The following CYP7A1 variants were observed in gnomAD, a reference collection of about 807,000 sequenced individuals.
CYP7A1 encodes cytochrome P450 family 7 subfamily A member 1.
Under a neutral mutation model 43.8 loss-of-function variants are expected in CYP7A1, and 28 were observed. The observed-to-expected ratio is 0.64, with a 90% CI of 0.47 to 0.88. The LOEUF is 0.88. CYP7A1 is among the 40% of genes least tolerant of loss of function. CYP7A1 has a pLI of 0.00. For synonymous variants in CYP7A1, 227 were observed against 222.5 expected (o/e 1.02, Z -0.18); for missense variants, 637 against 611.9 (o/e 1.04, Z -0.43).
intron 2 of CYP7A1, 140 bp downstream of exon 2, chr8:58,498,089 G>T: frequency 1.1e-6 from 1 of 920,106 alleles, no homozygotes; most frequent in Non-Finnish European, 1.6e-6. Context: ...ATTTATTTAT[G>T]TTTCTAAGAA....
intron 3 of CYP7A1, among the ~76,000 whole-genome samples, chr8:58,494,853 C>T (rs190775415): frequency 1.3e-4 from 20 of 152,156 alleles, no homozygotes; most frequent in South Asian, 2.1e-4. Flanking sequence ...AATGACCTTG[C>T]GGCCGGCCGT....
intron 4 of CYP7A1, 33 bp from the exon 5 acceptor site, chr8:58,492,561 T>A: frequency 2.6e-6 from 4 of 1,567,028 alleles, no homozygotes; most frequent in Non-Finnish European, 3.5e-6. Context: ...AGATAAAAAA[T>A]GAAAGAAGGA....
In CYP7A1 at chr8:58,497,140, G is replaced by C. The variant is rs1171018064; in HGVS notation, c.372C>G (p.Asn124Lys). Residue 124 changes from asparagine to lysine, a missense_variant, in exon 3 of 6, where the codon AAC becomes AAG. Transcript: ENST00000301645. ...IDPMDGNTTENINDTFIKTLQ... is the reference protein window; with the variant it reads ...IDPMDGNTTEKINDTFIKTLQ... ...GGGTTTTGATGAAAGTGTCGTTTAT[G>C]TTTTCAGTGGTATTTCCATCCATCG... 6.5e-7 allele frequency: 1 copy of C among 1,546,302 alleles called. No individual in the cohort carries two copies. Among genetic ancestry groups the C allele is most frequent in the Admixed American group, 1.7e-5 (1 of 59,558 alleles).
At chr8:58,495,431 T>C (rs1026756000) in intron 3 of CYP7A1, among the ~76,000 whole-genome samples, 2 of 151,970 alleles carry the variant, frequency 1.3e-5, no homozygotes, top group South Asian at 2.1e-4. Flanking sequence ...GGTTTCACCG[T>C]GTTAGCCAGG....
At position 58,491,365 on chromosome 8, in the gene CYP7A1, G is replaced by T; in HGVS notation, c.*110C>A. ...AGCACTGGTGAACAACATTGGACCT[G>T]GTGAATCATTTCTACCACCACTAAA... On this transcript the variant is annotated 3_prime_UTR_variant, in exon 6 of 6. Coordinates refer to ENST00000301645, the MANE Select transcript of CYP7A1 (RefSeq NM_000780.4). 1 of 1,042,272 alleles carries T rather than the reference G, an allele frequency of 9.6e-7. No individual in the cohort carries two copies. Among genetic ancestry groups the T allele is most frequent in the Non-Finnish European group, 1.4e-6 (1 of 693,876 alleles). The allele number at this position is 1,042,272 out of a possible 1,614,324, so 64.6% of individuals were successfully genotyped here. A position where few individuals can be genotyped will look rare whatever the true frequency, so the allele number is the denominator to read the frequency against.
Position 58,494,548 on chromosome 8 carries a change from T to C in CYP7A1, c.997A>G (p.Ile333Val). The C allele has an allele frequency of 6.2e-7, 1 of 1,614,102 alleles. No individual in the cohort carries two copies. The highest frequency in any genetic ancestry group is 1.1e-5 in the South Asian group (1 of 91,088). Reference protein sequence around the residue: ...GQKVSLEGNPICLSQAELNDL... With the variant: ...GQKVSLEGNPVCLSQAELNDL... ...TTCAGTTCTGCTTGACTCAAACAAA[T>C]AGGATTGCCTTCCAAGCTGACTTTT... Residue 333 changes from isoleucine (I) to valine (V), a missense_variant, in exon 4 of 6, where the codon ATT becomes GTT. Physicochemically the swap from Ile to Val is conservative, Grantham distance 29. Coordinates refer to ENST00000301645, the MANE Select transcript of CYP7A1 (RefSeq NM_000780.4).
At chr8:58,494,394 T>C in intron 4 of CYP7A1, 112 bp downstream of exon 4, 1 of 1,166,668 alleles carries the variant, frequency 8.6e-7, no homozygotes, top group Admixed American at 1.7e-5. Context: ...AAAACTCATA[T>C]GAAATATTTA....
chr8:58,494,045 C>A (rs949688922), intron 4 of CYP7A1, among the ~76,000 whole-genome samples: 2 of 151,978 alleles, frequency 1.3e-5, no homozygotes, highest in Non-Finnish European at 2.9e-5. Flanking sequence ...TGTTATAGTT[C>A]CATAAAATAT....
rs1809345616 is a variant in CYP7A1, at chr8:58,491,192, A to G, written c.*283T>C. 5.1e-6 allele frequency: 2 copies of G among 393,466 alleles called. No individual in the cohort carries two copies. The highest frequency in any genetic ancestry group is 7.9e-5 in the Admixed American group (2 of 25,286). The allele number at this position is 393,466 out of a possible 1,614,324, so 24.4% of individuals were successfully genotyped here. A position where few individuals can be genotyped will look rare whatever the true frequency, so the allele number is the denominator to read the frequency against. ...AATAAAGGTGTTTTCCTTTGAAAAT[A>G]ATAAACTTCAATCCCTGGCTATATG... On this transcript the variant is annotated 3_prime_UTR_variant, in exon 6 of 6. Coordinates refer to ENST00000301645, the MANE Select transcript of CYP7A1 (RefSeq NM_000780.4).
chr8:58,494,631 G>A lies in CYP7A1; in HGVS notation c.914C>T (p.Pro305Leu), dbSNP rs759226176. The part of the protein sequence containing the change: ...FWSLFQMIRN[P>L]EAMKAATEEV... The stretch of plus-strand genomic sequence containing the variant: ...TTCAGTAGCTGCTTTCATTGCTTCT[G>A]GGTTCCTATTAAAAGGTAAGAGAAA... The change falls in exon 4 of 6, where the codon CCA becomes CTA. Residue 305 changes from proline to leucine, a missense_variant. Transcript: ENST00000301645. The A allele has an allele frequency of 6.2e-7, 1 of 1,613,738 alleles. No homozygotes were observed. Among genetic ancestry groups the A allele is most frequent in the Admixed American group, 1.7e-5 (1 of 60,020 alleles).
intron 3 of CYP7A1, among the ~76,000 whole-genome samples, chr8:58,495,821 T>C (rs894081659): frequency 3.3e-5 from 5 of 152,228 alleles, no homozygotes; most frequent in East Asian, 1.9e-4. Context: ...AAATATTTTA[T>C]AAGACCTAAA....
In CYP7A1 at chr8:58,499,546, T is replaced by C. The variant is rs1809498144; in HGVS notation, c.80+473A>G. Among the ~76,000 whole-genome samples the C allele has an allele frequency of 2.6e-5, 4 of 152,352 alleles. No homozygotes were observed. In the South Asian group the frequency reaches 8.3e-4, roughly 32 times the overall value. On this transcript the variant is annotated intron_variant, in intron 1 of 5. Coordinates refer to ENST00000301645, the MANE Select transcript of CYP7A1 (RefSeq NM_000780.4). ...AATAGAATGATCAGCTCAGGCTCTATGCTCTTGTTCAGGCTTAGGCTGAGT... is the reference window on the plus strand; with the variant it reads ...AATAGAATGATCAGCTCAGGCTCTACGCTCTTGTTCAGGCTTAGGCTGAGT...
At chr8:58,492,226 A>T in intron 5 of CYP7A1, 127 bp downstream of exon 5, 1 of 935,768 alleles carries the variant, frequency 1.1e-6, no homozygotes, top group Non-Finnish European at 1.7e-6. Context: ...ATGAATATTT[A>T]ACACAATTAA....
Position 58,498,209 on chromosome 8 carries a change from A to T in CYP7A1, c.321+20T>A. The T allele has an allele frequency of 6.2e-7, 1 of 1,613,702 alleles. No homozygotes were observed. The highest frequency in any genetic ancestry group is 8.5e-7 in the Non-Finnish European group (1 of 1,179,850). On this transcript the variant is annotated intron_variant, in intron 2 of 5. Transcript: ENST00000301645. ...AGGTAGAAGACAAACAGAATGGTAT[A>T]TAAATGTAAAACTGCTTACCTTCGC...
chr8:58,497,224 T>A, intron 2 of CYP7A1, 34 bp from the exon 3 acceptor site: 1 of 1,534,266 alleles, frequency 6.5e-7, no homozygotes, highest in Non-Finnish European at 8.9e-7. Context: ...AAAAAGAAGT[T>A]AAACCTGACC....
chr8:58,497,337 A>G (rs1346183200), intron 2 of CYP7A1, 147 bp from the exon 3 acceptor site: 4 of 732,366 alleles, frequency 5.5e-6, no homozygotes, highest in Non-Finnish European at 9.4e-6. Context: ...ATAGCACTTT[A>G]CAAATAAATG....
rs1294480515 is a variant in CYP7A1, at chr8:58,490,392, A to G, written c.*1083T>C. On this transcript the variant is annotated 3_prime_UTR_variant, in exon 6 of 6. Coordinates refer to ENST00000301645, the MANE Select transcript of CYP7A1 (RefSeq NM_000780.4). ...AGCATTTAAACACTCGAGTCACCTT[A>G]GTTTTTTTCATCTGCAAGTCATTTA... is the stretch of plus-strand genomic sequence containing the variant. 3 of 152,214 alleles carry G rather than the reference A, an allele frequency of 2.0e-5. No individual in the cohort carries two copies. Among genetic ancestry groups the G allele is most frequent in the African/African-American group, 7.2e-5 (3 of 41,458 alleles). 9.4% of individuals were successfully genotyped at this position (152,214 alleles called of 1,614,324 possible). A position where few individuals can be genotyped will look rare whatever the true frequency, so the allele number is the denominator to read the frequency against.
In CYP7A1 at chr8:58,496,880, T is replaced by C. The variant is rs1316452469; in HGVS notation, c.632A>G (p.Gln211Arg). Reference protein sequence around the residue: ...HILNNLDNFKQFDKVFPALVA... With the variant: ...HILNNLDNFKRFDKVFPALVA... ...CAGGGCTGGAAAGACTTTGTCGAAT[T>C]GCTTGAAGTTGTCAAGATTGTTTAG... The change falls in exon 3 of 6, where the codon CAA (glutamine) becomes CGA (arginine). Residue 211 changes from glutamine (Q) to arginine (R), a missense_variant. Coordinates refer to ENST00000301645, the MANE Select transcript of CYP7A1 (RefSeq NM_000780.4). 4.3e-6 allele frequency: 7 copies of C among 1,614,116 alleles called. No homozygotes were observed. In the African/African-American group the frequency reaches 9.3e-5, roughly 22 times the overall value.
chr8:58,497,243 G>C, intron 2 of CYP7A1, 53 bp from the exon 3 acceptor site: 1 of 1,392,678 alleles, frequency 7.2e-7, no homozygotes, highest in Non-Finnish European at 1.0e-6. Context: ...CCTAGTCATA[G>C]TAAATGACTG....
Sources: gnomAD v4.1 joint callset for allele counts (sites outside exome capture counted in the v4.1 genomes callset) on GRCh38, gnomAD v4.1.1 for gene constraint, MANE v1.5 for transcripts, NCBI Gene and HGNC (gene_info 2026-07-23, HGNC 2026-07-21) for gene names.